SDK1: variants seen among roughly 807,000 people sequenced by gnomAD.
The protein encoded by SDK1 is protein sidekick-1.
A neutral mutation model predicts 245.5 loss-of-function variants in SDK1; 157 were observed. The ratio of observed to expected loss-of-function variants is 0.64; its 90% CI spans 0.56 to 0.73. The LOEUF is 0.73. SDK1 is among the 30% of genes least tolerant of loss of function. The pLI is 0.00. For synonymous variants in SDK1, 1,647 were observed against 1,278.5 expected (o/e 1.29, Z -6.15); for missense variants, 3,583 against 3,002.3 (o/e 1.19, Z -4.52).
chr7:3,820,500 A>G (rs1220136275), intron 4 of SDK1, among the ~76,000 whole-genome samples: 8 of 152,346 alleles, frequency 5.3e-5, no homozygotes, highest in Admixed American at 5.2e-4. Context: ...TAACTGGCAA[A>G]AAGAATACGG....
chr7:4,205,709 G>A (rs1041422095), intron 35 of SDK1, among the ~76,000 whole-genome samples, 170 bp from the exon 36 acceptor site: 4 of 152,264 alleles, frequency 2.6e-5, no homozygotes, highest in African/African-American at 7.2e-5. Context: ...ACGGATCCCA[G>A]GACATAACTG....
rs969697839 is a variant in SDK1, at chr7:3,821,385, T to G, written c.714-65T>G. On this transcript the variant is annotated intron_variant, in intron 4 of 44. Coordinates refer to ENST00000404826, the MANE Select transcript of SDK1 (RefSeq NM_152744.4). ...TTCCTTTATAGTTGGCCTAATTAAT[T>G]TTGTCTTACAAGTAGGAAGTTCCCT... The G allele has an allele frequency of 4.5e-6, 7 of 1,547,774 alleles. No homozygotes were observed. In the African/African-American group the frequency reaches 8.3e-5, roughly 18 times the overall value.
intron 1 of SDK1, among the ~76,000 whole-genome samples, chr7:3,596,892 A>G (rs1180829998): frequency 6.6e-6 from 1 of 152,216 alleles, no homozygotes; most frequent in African/African-American, 2.4e-5. Flanking sequence ...GTACAGAAAC[A>G]GCTAGATTGG....
chr7:3,419,487 T>A lies in SDK1; in HGVS notation c.298+117603T>A, dbSNP rs931859340. Among the ~76,000 whole-genome samples, 17 of 152,264 alleles carry A rather than the reference T, an allele frequency of 1.1e-4. No homozygotes were observed. In the East Asian group the frequency reaches 3.3e-3, roughly 29 times the overall value. On this transcript the variant is annotated intron_variant, in intron 1 of 44. Coordinates refer to ENST00000404826, the MANE Select transcript of SDK1 (RefSeq NM_152744.4). Reference sequence around the variant, plus strand: ...ACATCAGCACAGAGGCTCTGCTTTCTCCCACCCGGCAGGTCCGCAGGGGGT... The same window carrying A: ...ACATCAGCACAGAGGCTCTGCTTTCACCCACCCGGCAGGTCCGCAGGGGGT...
chr7:3,654,335 G>A (rs903068901), intron 4 of SDK1, among the ~76,000 whole-genome samples: 25 of 152,272 alleles, frequency 1.6e-4, no homozygotes, highest in Middle Eastern at 6.8e-3. Flanking sequence ...GATGGAAAGC[G>A]CCACATTGCT....
chr7:3,449,216 C>T, intron 1 of SDK1, among the ~76,000 whole-genome samples: 1 of 152,178 alleles, frequency 6.6e-6, no homozygotes, highest in East Asian at 1.9e-4. Context: ...CAAAGCTGCA[C>T]CTACAGAGAG....
At chr7:4,233,178 C>G in intron 40 of SDK1, 77 bp from the exon 41 acceptor site, 1 of 1,446,054 alleles carries the variant, frequency 6.9e-7, no homozygotes. Context: ...AGCCGACCCA[C>G]CAGGCAGGTG....
chr7:4,130,242 T>C, intron 27 of SDK1, 145 bp downstream of exon 27: 1 of 929,434 alleles, frequency 1.1e-6, no homozygotes, highest in South Asian at 1.8e-5. Context: ...AAAATTGTTT[T>C]TCAGTCACTG....
chr7:4,260,457 G>A (rs1293730970), intron 44 of SDK1, among the ~76,000 whole-genome samples: 18 of 138,230 alleles, frequency 1.3e-4, no homozygotes, highest in East Asian at 6.8e-4. Context: ...TGGCTGCTCC[G>A]GGGTCTCTGT....
chr7:3,990,186 G>A (rs1023821501), intron 14 of SDK1, among the ~76,000 whole-genome samples: 2 of 152,262 alleles, frequency 1.3e-5, no homozygotes, highest in African/African-American at 2.4e-5. Flanking sequence ...AGGCCCAGAG[G>A]CAGTATGTTA....
chr7:4,240,855 C>T lies in SDK1; in HGVS notation c.6131-938C>T, dbSNP rs112609178. On this transcript the variant is annotated intron_variant, in intron 42 of 44. Transcript: ENST00000404826. Reference sequence around the variant, plus strand: ...ACCCGGGAAATACTGGGAGAAGGAGCTTCCAGCAAGAGGGAGAGCCCCAGG... The same window carrying T: ...ACCCGGGAAATACTGGGAGAAGGAGTTTCCAGCAAGAGGGAGAGCCCCAGG... Among the ~76,000 whole-genome samples the T allele has an allele frequency of 2.3e-3, 348 of 152,228 alleles. 2 individuals carry two copies. The highest frequency in any genetic ancestry group is 7.9e-3 in the African/African-American group (328 of 41,534).
intron 1 of SDK1, among the ~76,000 whole-genome samples, chr7:3,558,072 G>A (rs139617853): frequency 8.0e-6 from 1 of 124,356 alleles, no homozygotes; most frequent in Non-Finnish European, 1.6e-5. Context: ...AGTCCCCAAA[G>A]ACTTTAGATG....
chr7:3,338,919 A>T (rs1780273954), intron 1 of SDK1, among the ~76,000 whole-genome samples: 2 of 152,360 alleles, frequency 1.3e-5, no homozygotes, highest in East Asian at 1.9e-4. Flanking sequence ...CAGAAGAAAC[A>T]AAATAACAGA....
intron 35 of SDK1, among the ~76,000 whole-genome samples, chr7:4,183,635 C>T (rs6462631): frequency 4.3e-3 from 589 of 137,726 alleles, no homozygotes; most frequent in African/African-American, 0.016. Context: ...AGCAAGACTC[C>T]GTCTCAAAAA....
At chr7:4,170,605 T>G (rs1298739406) in intron 32 of SDK1, among the ~76,000 whole-genome samples, 6 of 152,150 alleles carry the variant, frequency 3.9e-5, no homozygotes, top group Non-Finnish European at 7.3e-5. Flanking sequence ...AGATTGCAGT[T>G]GCATATAATA....
chr7:3,773,584 CTTTCTTA>C (rs1193295792), intron 4 of SDK1, among the ~76,000 whole-genome samples: 3 of 151,940 alleles, frequency 2.0e-5, no homozygotes, highest in Non-Finnish European at 2.9e-5. Context: ...ATGAGTGATA[CTTTCTTA>C]TTTCTTTGTA....
chr7:3,308,220 A>AGGGGCTG (rs1240587073), intron 1 of SDK1, among the ~76,000 whole-genome samples: 1 of 152,164 alleles, frequency 6.6e-6, no homozygotes, highest in South Asian at 2.1e-4. Flanking sequence ...CATGGCTGGA[A>AGGGGCTG]GAAGGGGCAA....
chr7:3,748,455 T>G (rs1027628846), intron 4 of SDK1, among the ~76,000 whole-genome samples: 1 of 152,210 alleles, frequency 6.6e-6, no homozygotes, highest in Non-Finnish European at 1.5e-5. Flanking sequence ...AAATATCCAT[T>G]AAATGGCGAG....
intron 1 of SDK1, among the ~76,000 whole-genome samples, chr7:3,530,134 C>T (rs1298255797): frequency 6.6e-6 from 1 of 152,108 alleles, no homozygotes; most frequent in Non-Finnish European, 1.5e-5. Context: ...TATATCCACA[C>T]TAGTCATACA....
Sources: gnomAD v4.1 joint callset for allele counts (sites outside exome capture counted in the v4.1 genomes callset) on GRCh38, gnomAD v4.1.1 for gene constraint, MANE v1.5 for transcripts, NCBI Gene and HGNC (gene_info 2026-07-23, HGNC 2026-07-21) for gene names.